Variants in TTC9C observed in about 807,000 individuals in gnomAD.
The protein encoded by TTC9C is tetratricopeptide repeat domain 9C.
A neutral mutation model predicts 22.5 loss-of-function variants in TTC9C; 15 were observed. The observed-to-expected ratio is 0.67, with a 90% CI of 0.45 to 1.03. TTC9C has a LOEUF of 1.03. Ranked by LOEUF, TTC9C falls within the 50% of genes least tolerant of loss-of-function variation. The probability of loss-of-function intolerance (pLI) is 0.00; values close to 1 mark genes in which losing one functional copy is unlikely to be tolerated. For synonymous variants in TTC9C, 92 were observed against 86.8 expected (o/e 1.06, Z -0.33); for missense variants, 244 against 214.6 (o/e 1.14, Z -0.86).
intron 1 of TTC9C, among the ~76,000 whole-genome samples, chr11:62,729,837 A>G (rs1015015363): frequency 6.6e-6 from 1 of 152,056 alleles, no homozygotes; most frequent in African/African-American, 2.4e-5. Flanking sequence ...CTACCTTCCA[A>G]GGTGCTGGGA....
intron 1 of TTC9C, 104 bp from the exon 2 acceptor site, chr11:62,735,278 C>G: frequency 6.9e-7 from 1 of 1,444,668 alleles, no homozygotes; most frequent in Non-Finnish European, 9.3e-7. Flanking sequence ...CATTTGTTGA[C>G]TGAATGTTGT....
In TTC9C at chr11:62,729,407, A is replaced by AT. The variant is rs747026472; in HGVS notation, c.238+330dup. On this transcript the variant is annotated intron_variant, in intron 1 of 2. Coordinates refer to ENST00000316461, the MANE Select transcript of TTC9C (RefSeq NM_173810.4). ...ATTTTATTTTATTTTATTTTATTTT[A>AT]TTTTTTTTTGAGATGGAGTCTCGCT... is the stretch of plus-strand genomic sequence containing the variant. Among the ~76,000 whole-genome samples the AT allele has an allele frequency of 1.5e-3, 123 of 82,020 alleles. 2 individuals carry two copies. The highest frequency in any genetic ancestry group is 0.012 in the Middle Eastern group (2 of 162). The allele number at this position is 82,020 out of a possible 152,430, so 53.8% of individuals were successfully genotyped here. A position where few individuals can be genotyped will look rare whatever the true frequency, so the allele number is the denominator to read the frequency against.
chr11:62,730,666 C>T (rs1158153748), intron 1 of TTC9C, among the ~76,000 whole-genome samples: 1 of 152,144 alleles, frequency 6.6e-6, no homozygotes, highest in Non-Finnish European at 1.5e-5. Context: ...CTCCGCCTCC[C>T]GGGTTCAAGC....
rs146915590 is a variant in TTC9C, at chr11:62,738,302, C to T, written c.436C>T (p.Arg146Trp). 2.4e-5 allele frequency: 38 copies of T among 1,611,346 alleles called. No individual in the cohort carries two copies. The highest frequency in any genetic ancestry group is 6.6e-5 in the South Asian group (6 of 90,766). The change falls in exon 3 of 3, where the codon CGG becomes TGG. Residue 146 changes from arginine to tryptophan, a missense_variant. By Grantham distance (101) the Arg-to-Trp change is moderately radical (BLOSUM62 -3). Coordinates refer to ENST00000316461, the MANE Select transcript of TTC9C (RefSeq NM_173810.4). The part of the protein sequence containing the change: ...NRQPKDANVR[R>W]YLQLTQSELS... ...CATCTTCCAAGATGCCAACGTCCGGCGGTACCTCCAGCTGACACAGTCAGA... is the reference window on the plus strand; with the variant it reads ...CATCTTCCAAGATGCCAACGTCCGGTGGTACCTCCAGCTGACACAGTCAGA...
At position 62,735,546 on chromosome 11, in the gene TTC9C, G is replaced by A. The variant is rs556324819; in HGVS notation, c.403G>A (p.Val135Met). The change falls in exon 2 of 3, where the codon GTG becomes ATG. Residue 135 changes from valine to methionine, a missense_variant. Transcript: ENST00000316461. ...GGCCCGCCACTACCTCCTGGCTGCCGTGAATAGGCAGCCTAAAGGTAAGCA... is the reference window on the plus strand; with the variant it reads ...GGCCCGCCACTACCTCCTGGCTGCCATGAATAGGCAGCCTAAAGGTAAGCA... The part of the protein sequence containing the change: ...DQARHYLLAA[V>M]NRQPKDANVR... 118 of 1,613,174 alleles carry A rather than the reference G, an allele frequency of 7.3e-5. 2 individuals carry two copies. In the South Asian group the frequency reaches 8.2e-4, roughly 11 times the overall value.
Position 62,728,988 on chromosome 11 carries a change from C to T in TTC9C, c.140C>T (p.Ser47Phe). 1.9e-6 allele frequency: 3 copies of T among 1,614,140 alleles called. No individual in the cohort carries two copies. The highest frequency in any genetic ancestry group is 2.5e-6 in the Non-Finnish European group (3 of 1,180,032). ...QLRGLDPSLP[S>F]PLPNLGPQGP... ...CGGGGTCTGGATCCGAGTCTGCCCT[C>T]TCCGTTACCTAATCTCGGACCTCAG... Residue 47 changes from serine (S) to phenylalanine (F), a missense_variant, in exon 1 of 3, where the codon TCT (serine) becomes TTT (phenylalanine). By Grantham distance (155) the Ser-to-Phe change is radical (BLOSUM62 -2). Coordinates refer to ENST00000316461, the MANE Select transcript of TTC9C (RefSeq NM_173810.4).
chr11:62,730,413 G>A (rs1338979904), intron 1 of TTC9C, among the ~76,000 whole-genome samples: 1 of 152,066 alleles, frequency 6.6e-6, no homozygotes, highest in Admixed American at 6.6e-5. Context: ...AACATGTTGG[G>A]CAGTCATTTA....
chr11:62,735,725 CT>C, intron 2 of TTC9C, 161 bp downstream of exon 2: 6 of 1,291,460 alleles, frequency 4.6e-6, no homozygotes, highest in Non-Finnish European at 5.1e-6. Flanking sequence ...ATGAACAGAC[CT>C]TTTTCCACTC....
At chr11:62,733,040 C>T (rs1047101191) in intron 1 of TTC9C, 1 of 812,934 alleles carries the variant, frequency 1.2e-6, no homozygotes, top group South Asian at 1.5e-5. Context: ...AGCACAGGCC[C>T]TTTAATGTGC....
rs761765939 is a variant in TTC9C, at chr11:62,738,304, G to A, written c.438G>A (p.Arg146=). 1.4e-5 allele frequency: 23 copies of A among 1,611,918 alleles called. No individual in the cohort carries two copies. The Admixed American group carries it at 1.7e-4, about 12-fold the overall frequency. The change falls in exon 3 of 3, where the codon CGG becomes CGA. Residue 146 remains arginine (R), a synonymous_variant. Transcript: ENST00000316461. ...NRQPKDANVR[R]YLQLTQSELS... Reference sequence around the variant, plus strand: ...TCTTCCAAGATGCCAACGTCCGGCGGTACCTCCAGCTGACACAGTCAGAAC... The same window carrying A: ...TCTTCCAAGATGCCAACGTCCGGCGATACCTCCAGCTGACACAGTCAGAAC...
rs138666488 is a variant in TTC9C at position 62,731,530 on chromosome 11, G to A, written c.238+2444G>A. Among the ~76,000 whole-genome samples the A allele has an allele frequency of 9.5e-4, 145 of 152,212 alleles. 2 individuals carry two copies. Among genetic ancestry groups the A allele is most frequent in the Middle Eastern group, 6.8e-3 (2 of 294 alleles). On this transcript the variant is annotated intron_variant, in intron 1 of 2. Coordinates refer to ENST00000316461, the MANE Select transcript of TTC9C (RefSeq NM_173810.4). ...GCCAATGTCTTGAGCATGGGAGGCC[G>A]GGGCTGCAGTGAGCCAAGATTGGGC...
Position 62,738,457 on chromosome 11 carries a change from A to G in TTC9C, c.*75A>G. ...TGCATGAAGGAGAAATCTGAGCCTC[A>G]GCAAGAGAAATTAACCCTATACCTC... On this transcript the variant is annotated 3_prime_UTR_variant, in exon 3 of 3. Coordinates refer to ENST00000316461, the MANE Select transcript of TTC9C (RefSeq NM_173810.4). The G allele has an allele frequency of 1.8e-6, 2 of 1,090,158 alleles. No homozygotes were observed. Among genetic ancestry groups the G allele is most frequent in the South Asian group, 1.4e-5 (1 of 73,086 alleles). The allele number at this position is 1,090,158 out of a possible 1,614,324, so 67.5% of individuals were successfully genotyped here. A position where few individuals can be genotyped will look rare whatever the true frequency, so the allele number is the denominator to read the frequency against.
intron 1 of TTC9C, among the ~76,000 whole-genome samples, chr11:62,729,397 A>C (rs1442168947): frequency 7.3e-6 from 1 of 137,834 alleles, no homozygotes; most frequent in Admixed American, 7.3e-5. Context: ...ATTTTATTTT[A>C]TTTTATTTTA....
chr11:62,731,030 A>G (rs1410658488), intron 1 of TTC9C, among the ~76,000 whole-genome samples: 1 of 151,964 alleles, frequency 6.6e-6, no homozygotes, highest in Non-Finnish European at 1.5e-5. Flanking sequence ...CTGGGATCAC[A>G]GGCACCTGCC....
chr11:62,737,180 CAG>C (rs1299485971), intron 2 of TTC9C, among the ~76,000 whole-genome samples: 2 of 152,092 alleles, frequency 1.3e-5, no homozygotes, highest in Non-Finnish European at 2.9e-5. Flanking sequence ...GCCTGGGAGA[CAG>C]AGGGAGACTC....
At chr11:62,735,332 G>A (rs772133910) in intron 1 of TTC9C, 50 bp from the exon 2 acceptor site, 3 of 1,595,858 alleles carry the variant, frequency 1.9e-6, no homozygotes, top group African/African-American at 2.7e-5. Flanking sequence ...AGTGGAACCT[G>A]GTGTAACGAG....
rs561071331 is a variant in TTC9C at position 62,737,072 on chromosome 11, G to A, written c.422-1216G>A. ...AAATTAGCCGGGCGTGGTGGCGGGCGCCTGTAATCCCAGCTACTCGGGAGG... is the reference window on the plus strand; with the variant it reads ...AAATTAGCCGGGCGTGGTGGCGGGCACCTGTAATCCCAGCTACTCGGGAGG... On this transcript the variant is annotated intron_variant, in intron 2 of 2. Coordinates refer to ENST00000316461, the MANE Select transcript of TTC9C (RefSeq NM_173810.4). Among the ~76,000 whole-genome samples the A allele has an allele frequency of 4.0e-5, 6 of 151,676 alleles. No homozygotes were observed. In the South Asian group the frequency reaches 8.4e-4, roughly 21 times the overall value.
chr11:62,737,609 T>C (rs2083926940), intron 2 of TTC9C, among the ~76,000 whole-genome samples: 1 of 152,196 alleles, frequency 6.6e-6, no homozygotes, highest in Non-Finnish European at 1.5e-5. Flanking sequence ...AATAAAGATA[T>C]AAAATATAAG....
intron 1 of TTC9C, among the ~76,000 whole-genome samples, chr11:62,730,947 G>C (rs986532303): frequency 6.6e-6 from 1 of 151,180 alleles, no homozygotes; most frequent in Non-Finnish European, 1.5e-5. Context: ...GGAGTGCAGT[G>C]GCGTGATCTC....
Sources: gnomAD v4.1 joint callset for allele counts (sites outside exome capture counted in the v4.1 genomes callset) on GRCh38, gnomAD v4.1.1 for gene constraint, MANE v1.5 for transcripts, NCBI Gene and HGNC (gene_info 2026-07-23, HGNC 2026-07-21) for gene names.